Variants in ADAM10 observed in about 807,000 individuals in gnomAD.
ADAM10 encodes disintegrin and metalloproteinase domain-containing protein 10.
A neutral mutation model predicts 90.1 loss-of-function variants in ADAM10; 17 were observed. That is an observed-to-expected ratio of 0.19 (90% CI 0.13 to 0.28). The LOEUF is 0.28. ADAM10 is among the 10% of genes least tolerant of loss of function. The pLI is 1.00. For missense variants in ADAM10, 610 were observed against 914.3 expected (o/e 0.67, Z 4.29); for synonymous variants, 310 against 298.6 (o/e 1.04, Z -0.40).
At chr15:58,736,604 G>GA (rs1209653285) in intron 1 of ADAM10, among the ~76,000 whole-genome samples, 3 of 151,718 alleles carry the variant, frequency 2.0e-5, no homozygotes, top group Non-Finnish European at 4.4e-5. Flanking sequence ...GAAACAGAGG[G>GA]AAAAAAATAA....
chr15:58,705,090 C>CA (rs1178174121), intron 2 of ADAM10, among the ~76,000 whole-genome samples: 2 of 152,130 alleles, frequency 1.3e-5, no homozygotes, highest in East Asian at 3.8e-4. Context: ...AATATTACCA[C>CA]AAAAAACTCT....
rs1894866635 is a variant in ADAM10 at position 58,593,179 on chromosome 15, TTTTTTTTTTTTTTTTTTTG to T, written c.*4349_*4367del. ...TTTTTTTTTTTTTTTTTTTTTTTTTTTTTTTTTTTTTTTTTTTTGAGACAGAGTCTCGCTCTGTCACCCA... is the reference window on the plus strand; with the variant it reads ...TTTTTTTTTTTTTTTTTTTTTTTTTTAGACAGAGTCTCGCTCTGTCACCCA... On this transcript the variant is annotated 3_prime_UTR_variant, in exon 16 of 16. Coordinates refer to ENST00000260408, the MANE Select transcript of ADAM10 (RefSeq NM_001110.4). 1 of 62,372 alleles carries T rather than the reference TTTTTTTTTTTTTTTTTTTG, an allele frequency of 1.6e-5. No homozygotes were observed. The highest frequency in any genetic ancestry group is 3.2e-5 in the Non-Finnish European group (1 of 31,224). 3.9% of individuals were successfully genotyped at this position (62,372 alleles called of 1,614,324 possible). A position where few individuals can be genotyped will look rare whatever the true frequency, so the allele number is the denominator to read the frequency against.
At chr15:58,734,853 A>AATATAC (rs1380787450) in intron 1 of ADAM10, among the ~76,000 whole-genome samples, 5 of 152,180 alleles carry the variant, frequency 3.3e-5, no homozygotes, top group African/African-American at 7.2e-5. Context: ...TAGACAGAAA[A>AATATAC]ATATACATAT....
intron 5 of ADAM10, among the ~76,000 whole-genome samples, chr15:58,660,838 A>G (rs1262577388): frequency 3.3e-5 from 5 of 152,240 alleles, no homozygotes; most frequent in African/African-American, 1.2e-4. Flanking sequence ...ACTTTTGAAC[A>G]ACATGTAGTT....
chr15:58,717,881 T>C (rs1267055506), intron 1 of ADAM10, among the ~76,000 whole-genome samples, 154 bp from the exon 2 acceptor site: 1 of 152,202 alleles, frequency 6.6e-6, no homozygotes, highest in Admixed American at 6.5e-5. Context: ...ACACATATAT[T>C]ATTAAAACTT....
At chr15:58,681,744 A>T (rs1897448550) in intron 3 of ADAM10, among the ~76,000 whole-genome samples, 1 of 152,242 alleles carries the variant, frequency 6.6e-6, no homozygotes, top group Non-Finnish European at 1.5e-5. Flanking sequence ...TTGTGAATAA[A>T]GCAAATAGAT....
rs1271472931 is a variant in ADAM10, at chr15:58,593,170, T to A, written c.*4377A>T. ...TCAAATTTTTTTTTTTTTTTTTTTT[T>A]TTTTTTTTTTTTTTTTTTTTTTTTT... On this transcript the variant is annotated 3_prime_UTR_variant, in exon 16 of 16. Transcript: ENST00000260408. 5.1e-4 allele frequency: 23 copies of A among 44,736 alleles called. 3 individuals are homozygous for A. In the East Asian group the frequency reaches 0.026, roughly 51 times the overall value. The allele number at this position is 44,736 out of a possible 1,614,324, so 2.8% of individuals were successfully genotyped here.
intron 8 of ADAM10, among the ~76,000 whole-genome samples, chr15:58,633,583 C>A (rs1596011364): frequency 6.6e-6 from 1 of 152,170 alleles, no homozygotes; most frequent in African/African-American, 2.4e-5. Flanking sequence ...ACTGAGTACA[C>A]AGCCTTTACA....
intron 2 of ADAM10, among the ~76,000 whole-genome samples, chr15:58,699,785 A>G (rs1018671980): frequency 3.3e-5 from 5 of 152,176 alleles, no homozygotes; most frequent in Non-Finnish European, 7.3e-5. Flanking sequence ...CAAAAAAGCC[A>G]AAGAAAACCA....
At chr15:58,679,439 T>C (rs943025682) in intron 3 of ADAM10, among the ~76,000 whole-genome samples, 157 bp from the exon 4 acceptor site, 2 of 152,028 alleles carry the variant, frequency 1.3e-5, no homozygotes, top group Non-Finnish European at 2.9e-5. Flanking sequence ...ACTATGGAAA[T>C]TTTCACATAA....
Position 58,692,422 on chromosome 15 carries a change from T to A in ADAM10, c.207-10108A>T, listed in dbSNP as rs756300809. ...CTTTGTTTTCTTCTTATTATTCTTA[T>A]CAGTGTCATCCTCCTCATCGGAACC... On this transcript the variant is annotated intron_variant, in intron 2 of 15. Transcript: ENST00000260408. 7.2e-6 allele frequency: 4 copies of A among 558,348 alleles called. No homozygotes were observed. The East Asian group carries it at 1.9e-4, about 26-fold the overall frequency. 34.6% of individuals were successfully genotyped at this position (558,348 alleles called of 1,614,324 possible).
intron 15 of ADAM10, among the ~76,000 whole-genome samples, chr15:58,599,341 A>G (rs2140986645): frequency 1.3e-5 from 2 of 152,174 alleles, no homozygotes; most frequent in Non-Finnish European, 2.9e-5. Flanking sequence ...ACAAGAAAAC[A>G]AATACCAAGC....
intron 3 of ADAM10, among the ~76,000 whole-genome samples, chr15:58,679,785 G>C (rs1272142737): frequency 6.6e-6 from 1 of 152,082 alleles, no homozygotes; most frequent in African/African-American, 2.4e-5. Context: ...GCACATGTCT[G>C]TAAGTCCAGC....
chr15:58,722,062 G>A (rs770115139), intron 1 of ADAM10, among the ~76,000 whole-genome samples: 1 of 151,030 alleles, frequency 6.6e-6, no homozygotes, highest in Non-Finnish European at 1.5e-5. Context: ...ATAATAGGCC[G>A]GGCACGGTGG....
rs1897023009 is a variant in ADAM10 at position 58,663,913 on chromosome 15, C to G, written c.585+1184G>C. On this transcript the variant is annotated intron_variant, in intron 5 of 15. Transcript: ENST00000260408. ...TATTAATATTTTATCAAGCACCATG[C>G]TAAATTCTATCATATCTAACAGTCT... is the stretch of plus-strand genomic sequence containing the variant. Among the ~76,000 whole-genome samples, 4 of 152,032 alleles carry G rather than the reference C, an allele frequency of 2.6e-5. No individual in the cohort carries two copies. The South Asian group carries it at 8.3e-4, about 32-fold the overall frequency.
chr15:58,667,376 A>G (rs1461827473), intron 4 of ADAM10, among the ~76,000 whole-genome samples: 1 of 152,194 alleles, frequency 6.6e-6, no homozygotes, highest in Non-Finnish European at 1.5e-5. Flanking sequence ...CTCTGTCAAC[A>G]GAACTAGGCA....
chr15:58,737,999 C>T (rs1486231594), intron 1 of ADAM10, among the ~76,000 whole-genome samples: 1 of 152,024 alleles, frequency 6.6e-6, no homozygotes, highest in Non-Finnish European at 1.5e-5. Flanking sequence ...GGAAAATCTG[C>T]AATAATGTTT....
chr15:58,597,658 A>C lies in ADAM10; in HGVS notation c.2153-17T>G. On this transcript the variant is annotated splice_polypyrimidine_tract_variant and intron_variant, in intron 15 of 15. Coordinates refer to ENST00000260408, the MANE Select transcript of ADAM10 (RefSeq NM_001110.4). ...TTAAAGTGCCTGTGAGCCACAAATA[A>C]AAGCAAAGCAGATTTATTTATCATG... 6.2e-7 allele frequency: 1 copy of C among 1,613,706 alleles called. No individual in the cohort carries two copies. Among genetic ancestry groups the C allele is most frequent in the Non-Finnish European group, 8.5e-7 (1 of 1,179,896 alleles).
chr15:58,614,185 T>A (rs1895535548), intron 11 of ADAM10, among the ~76,000 whole-genome samples: 1 of 151,994 alleles, frequency 6.6e-6, no homozygotes, highest in East Asian at 1.9e-4. Context: ...CTCAGGAGGT[T>A]GAGGCACAAG....
Sources: gnomAD v4.1 joint callset for allele counts (sites outside exome capture counted in the v4.1 genomes callset) on GRCh38, gnomAD v4.1.1 for gene constraint, MANE v1.5 for transcripts, NCBI Gene and HGNC (gene_info 2026-07-23, HGNC 2026-07-21) for gene names.